PMP22: variants seen among roughly 807,000 people sequenced by gnomAD.
The protein encoded by PMP22 is peripheral myelin protein 22, also known as Charcot-Marie-Tooth neuropathy 1A (greatly reduced nerve conduction velocity, hereditary motor sensory neuropathy Ia).
Under a neutral mutation model 18.9 loss-of-function variants are expected in PMP22, and 2 were observed. The ratio of observed to expected loss-of-function variants is 0.11; its 90% CI spans 0.04 to 0.33. The LOEUF (loss-of-function observed/expected upper bound fraction) is 0.33. Among genes scored for constraint, PMP22 ranks in the 10% least tolerant of loss-of-function variants. PMP22 has a pLI of 1.00. For synonymous variants in PMP22, 95 were observed against 89.2 expected (o/e 1.07, Z -0.37); for missense variants, 169 against 202.2 (o/e 0.84, Z 1.00).
intron 3 of PMP22, among the ~76,000 whole-genome samples, chr17:15,256,596 G>T (rs1275214549): frequency 6.6e-6 from 1 of 152,172 alleles, no homozygotes; most frequent in African/African-American, 2.4e-5. Flanking sequence ...AGCCGAGATT[G>T]CACCACTATT....
chr17:15,263,728 TA>T (rs1038476516), intron 1 of PMP22, among the ~76,000 whole-genome samples: 17 of 152,132 alleles, frequency 1.1e-4, no homozygotes, highest in Non-Finnish European at 1.3e-4. Context: ...TTACGGTAAG[TA>T]AAAATAAATT....
intron 2 of PMP22, among the ~76,000 whole-genome samples, chr17:15,259,952 AAAAGAAAAG>A (rs1462711337): frequency 2.6e-5 from 4 of 151,358 alleles, no homozygotes; most frequent in African/African-American, 9.7e-5. Flanking sequence ...AAAAAAAAAA[AAAAGAAAAG>A]AAAAGAAAAG....
intron 3 of PMP22, among the ~76,000 whole-genome samples, chr17:15,251,952 A>T (rs1431128845): frequency 1.3e-5 from 2 of 151,932 alleles, no homozygotes; most frequent in Non-Finnish European, 2.9e-5. Context: ...CATCAGAGAA[A>T]CCCTAAGGGT....
intron 4 of PMP22, chr17:15,235,346 A>T: frequency 1.4e-6 from 1 of 717,162 alleles, no homozygotes; most frequent in Non-Finnish European, 2.6e-6. Context: ...AGGCTCCTCT[A>T]TGTGCCCCAC....
chr17:15,233,825 G>A (rs114693886), intron 4 of PMP22, among the ~76,000 whole-genome samples: 4,483 of 152,272 alleles, frequency 0.029, 225 homozygotes, highest in African/African-American at 0.1. Flanking sequence ...ATAGACGGGC[G>A]CTGAGTCCAA....
chr17:15,257,409 G>A (rs549626029), intron 3 of PMP22, among the ~76,000 whole-genome samples: 26 of 152,312 alleles, frequency 1.7e-4, no homozygotes, highest in African/African-American at 5.8e-4. Context: ...GCCCCCTTCC[G>A]GGCCCAAGAG....
At position 15,249,388 on chromosome 17, in the gene PMP22, C is replaced by T. The variant is rs3785651; in HGVS notation, c.178+9706G>A. On this transcript the variant is annotated intron_variant, in intron 3 of 4. Transcript: ENST00000312280. ...TTACCTAATTTGTTACAGGCAGACC[C>T]GGTGCAGAAAAACAAGGATTCCCTG... Among the ~76,000 whole-genome samples, 1,192 of 152,296 alleles carry T rather than the reference C, an allele frequency of 7.8e-3. 77 individuals are homozygous for T. The East Asian group carries it at 0.14, about 18-fold the overall frequency.
intron 4 of PMP22, among the ~76,000 whole-genome samples, chr17:15,234,721 A>T (rs932851267): frequency 2.6e-5 from 4 of 152,060 alleles, no homozygotes; most frequent in Non-Finnish European, 4.4e-5. Context: ...CCCTAACAAA[A>T]ATTTCTAAAT....
At chr17:15,231,109 A>T in intron 4 of PMP22, 29 bp from the exon 5 acceptor site, 1 of 1,612,086 alleles carries the variant, frequency 6.2e-7, no homozygotes, top group East Asian at 2.2e-5. Context: ...AAGCTGGGTG[A>T]CGGAGAGTCC....
At chr17:15,264,865 A>C (rs1909606294) in intron 1 of PMP22, among the ~76,000 whole-genome samples, 1 of 152,114 alleles carries the variant, frequency 6.6e-6, no homozygotes, top group Middle Eastern at 3.2e-3. Flanking sequence ...GTGCACAGCT[A>C]TTTTCCATGG....
Position 15,239,615 on chromosome 17 carries a change from G to C in PMP22, c.179-4C>G. ...GCCTGGACAGACTGCAGCCATTCTG[G>C]GGGAAAGAGACACTTGGTTAGGAGA... is the stretch of plus-strand genomic sequence containing the variant. On this transcript the variant is annotated splice_region_variant and splice_polypyrimidine_tract_variant and intron_variant, in intron 3 of 4. Transcript: ENST00000312280. 2 of 1,613,782 alleles carry C rather than the reference G, an allele frequency of 1.2e-6. No individual in the cohort carries two copies. The highest frequency in any genetic ancestry group is 1.7e-6 in the Non-Finnish European group (2 of 1,179,848).
rs536417866 is a variant in PMP22, at chr17:15,230,998, G to A, written c.402C>T (p.Phe134=). The change falls in exon 5 of 5, where the codon TTC becomes TTT. Residue 134 remains phenylalanine, a synonymous_variant. Coordinates refer to ENST00000312280, the MANE Select transcript of PMP22 (RefSeq NM_000304.4). ...WHLNSDYSYG[F]AYILAWVAFP... Reference sequence around the variant, plus strand: ...AGGCCACCCAGGCCAGGATGTAGGCGAAACCGTAGGAGTAATCCGAGTTGA... The same window carrying A: ...AGGCCACCCAGGCCAGGATGTAGGCAAAACCGTAGGAGTAATCCGAGTTGA... The A allele has an allele frequency of 2.5e-5, 41 of 1,614,134 alleles. No individual in the cohort carries two copies. Among genetic ancestry groups the A allele is most frequent in the African/African-American group, 1.9e-4 (14 of 75,070 alleles).
chr17:15,264,587 AGC>A (rs1404698105), intron 1 of PMP22, among the ~76,000 whole-genome samples: 1 of 152,372 alleles, frequency 6.6e-6, no homozygotes, highest in South Asian at 2.1e-4. Context: ...TGGGTGCTAC[AGC>A]TCGCTTCTTC....
chr17:15,263,431 G>A (rs1299733418), intron 1 of PMP22, among the ~76,000 whole-genome samples: 1 of 152,150 alleles, frequency 6.6e-6, no homozygotes, highest in Non-Finnish European at 1.5e-5. Context: ...GCGTTACAGG[G>A]AGAGAGGCTA....
In PMP22 at chr17:15,260,664, A is replaced by T. The variant is rs1300756669; in HGVS notation, c.64T>A (p.Ser22Thr). 1.9e-6 allele frequency: 3 copies of T among 1,552,550 alleles called. No individual in the cohort carries two copies. The highest frequency in any genetic ancestry group is 2.0e-5 in the Admixed American group (1 of 51,116). Reference sequence around the variant, plus strand: ...CAGGCACTCACGCTGACGATCGTGGAGACGAACAGCAGCACCAGCACCGCG... The same window carrying T: ...CAGGCACTCACGCTGACGATCGTGGTGACGAACAGCAGCACCAGCACCGCG... Reference protein sequence around the residue: ...HVAVLVLLFVSTIVSQWIVGN... With the variant: ...HVAVLVLLFVTTIVSQWIVGN... Residue 22 changes from serine (S) to threonine (T), a missense_variant, in exon 2 of 5, where the codon TCC (serine) becomes ACC (threonine). Ser to Thr is a moderately conservative substitution (Grantham distance 58). Transcript: ENST00000312280.
In PMP22 at chr17:15,258,884, T is replaced by G. The variant is rs1388842998; in HGVS notation, c.178+210A>C. On this transcript the variant is annotated intron_variant, in intron 3 of 4. Transcript: ENST00000312280. The surrounding 1 kb of genome is among the most constrained non-coding windows in gnomAD (Gnocchi z 4.1). ...ACTAAGGGCATGTCTCTAGGTAGAG[T>G]GAATCACAATGATGCCCAGGATCTC... 1 of 637,028 alleles carries G rather than the reference T, an allele frequency of 1.6e-6. No homozygotes were observed. The highest frequency in any genetic ancestry group is 2.9e-6 in the Non-Finnish European group (1 of 349,608). 39.5% of individuals were successfully genotyped at this position (637,028 alleles called of 1,614,324 possible).
chr17:15,260,718 G>A lies in PMP22; in HGVS notation c.10C>T (p.Leu4=), dbSNP rs867997682. Residue 4 remains leucine (L), a synonymous_variant, in exon 2 of 5, where the codon CTG becomes TTG. Coordinates refer to ENST00000312280, the MANE Select transcript of PMP22 (RefSeq NM_000304.4). MLL[L]LLSIIVLHVA... Reference sequence around the variant, plus strand: ...TGGAGGACGATGATACTCAGCAACAGGAGGAGCATTCTGGCGGCAAGTTCT... The same window carrying A: ...TGGAGGACGATGATACTCAGCAACAAGAGGAGCATTCTGGCGGCAAGTTCT... The A allele has an allele frequency of 1.9e-6, 3 of 1,553,168 alleles. No individual in the cohort carries two copies. The Middle Eastern group carries it at 5.0e-4, about 259-fold the overall frequency.
chr17:15,264,173 C>G (rs1353047099), intron 1 of PMP22, among the ~76,000 whole-genome samples: 1 of 151,994 alleles, frequency 6.6e-6, no homozygotes, highest in African/African-American at 2.4e-5. Context: ...TCAGGGAAGA[C>G]CTGACCACCT....
Position 15,230,897 on chromosome 17 carries a change from A to G in PMP22, c.*20T>C. 1 of 1,613,160 alleles carries G rather than the reference A, an allele frequency of 6.2e-7. No homozygotes were observed. The highest frequency in any genetic ancestry group is 8.5e-7 in the Non-Finnish European group (1 of 1,179,604). On this transcript the variant is annotated 3_prime_UTR_variant, in exon 5 of 5. Coordinates refer to ENST00000312280, the MANE Select transcript of PMP22 (RefSeq NM_000304.4). ...CTTCCCTATGTACGCTCAGAGCCTC[A>G]GACAGACCGTCTGGGCGCCTCATTC...
Sources: gnomAD v4.1 joint callset for allele counts (sites outside exome capture counted in the v4.1 genomes callset) on GRCh38, gnomAD v4.1.1 for gene constraint, Gnocchi (gnomAD v3.1) non-coding constraint, MANE v1.5 for transcripts, NCBI Gene and HGNC (gene_info 2026-07-23, HGNC 2026-07-21) for gene names.